Variants in GYPE observed in about 807,000 individuals in gnomAD.
The protein encoded by GYPE is glycophorin E (MNS blood group), also known as glycophorin-E.
GYPE carries 8 observed loss-of-function variants against 11.6 expected under a neutral mutation model. The ratio of observed to expected loss-of-function variants is 0.69; its 90% CI spans 0.41 to 1.25. GYPE has a LOEUF of 1.25. Among genes scored for constraint, GYPE ranks in the 50% most tolerant of loss-of-function variants. GYPE has a pLI of 0.01. For synonymous variants in GYPE, 28 were observed against 29.6 expected (o/e 0.94, Z 0.18); for missense variants, 90 against 92.8 (o/e 0.97, Z 0.12).
chr4:143,891,552 T>A (rs1744407001), intron 1 of GYPE, among the ~76,000 whole-genome samples: 1 of 151,832 alleles, frequency 6.6e-6, no homozygotes, highest in Non-Finnish European at 1.5e-5. Context: ...ACGATCTTGA[T>A]CTCCTGACCT....
At chr4:143,896,348 G>A (rs1388921751) in intron 1 of GYPE, among the ~76,000 whole-genome samples, 7 of 152,218 alleles carry the variant, frequency 4.6e-5, no homozygotes, top group African/African-American at 1.7e-4. Context: ...GTGGGCAAAG[G>A]ATATGAACAG....
intron 2 of GYPE, among the ~76,000 whole-genome samples, chr4:143,878,043 T>C (rs1185918531): frequency 2.0e-5 from 3 of 150,932 alleles, no homozygotes; most frequent in Non-Finnish European, 4.4e-5. Context: ...TACTCAGGGT[T>C]GGTTAGAAAG....
intron 2 of GYPE, chr4:143,878,594 G>C (rs1258289315): frequency 2.1e-6 from 1 of 465,232 alleles, no homozygotes. Flanking sequence ...CAATGGGATA[G>C]TTTAAAATGG....
intron 3 of GYPE, among the ~76,000 whole-genome samples, chr4:143,876,106 T>A (rs927511351): frequency 2.0e-5 from 3 of 152,086 alleles, no homozygotes; most frequent in African/African-American, 7.2e-5. Context: ...TTATTTTGTT[T>A]ATTTTTATTT....
At chr4:143,891,034 A>C (rs1744381527) in intron 1 of GYPE, among the ~76,000 whole-genome samples, 2 of 152,248 alleles carry the variant, frequency 1.3e-5, no homozygotes, top group Non-Finnish European at 2.9e-5. Context: ...TCTAAAACTT[A>C]AGTTTTTCAA....
intron 1 of GYPE, among the ~76,000 whole-genome samples, chr4:143,881,807 G>A (rs188224934): frequency 3.0e-4 from 46 of 152,224 alleles, no homozygotes; most frequent in Admixed American, 1.0e-3. Context: ...TCATCTCTTT[G>A]AGATATTCAA....
At chr4:143,901,931 C>T (rs56008514) in intron 1 of GYPE, among the ~76,000 whole-genome samples, 1,686 of 152,116 alleles carry the variant, frequency 0.011, 36 homozygotes, top group African/African-American at 0.029. Context: ...TCTCTAAAAA[C>T]CCTATTTCAC....
chr4:143,883,064 A>T (rs557938725), intron 1 of GYPE, among the ~76,000 whole-genome samples: 51 of 152,172 alleles, frequency 3.4e-4, no homozygotes, highest in African/African-American at 1.2e-3. Flanking sequence ...GCCTGGTGGG[A>T]GGTAATTGAA....
intron 1 of GYPE, among the ~76,000 whole-genome samples, chr4:143,896,708 G>A (rs548136616): frequency 6.6e-6 from 1 of 152,284 alleles, no homozygotes; most frequent in African/African-American, 2.4e-5. Flanking sequence ...ACATGCACAT[G>A]TATGTTTATT....
In GYPE at chr4:143,905,514, A is replaced by T. The variant is rs1226158447; in HGVS notation, c.-7T>A. On this transcript the variant is annotated 5_prime_UTR_variant, in exon 1 of 4. Transcript: ENST00000358615. ...AGATTATTTTTCCATACATCCTGAG[A>T]TCACGAGCTGGCTCCTGAAGTTAGT... is the stretch of plus-strand genomic sequence containing the variant. 6.2e-7 allele frequency: 1 copy of T among 1,613,162 alleles called. No individual in the cohort carries two copies. The highest frequency in any genetic ancestry group is 8.5e-7 in the Non-Finnish European group (1 of 1,179,362).
At chr4:143,901,856 C>A (rs1744879850) in intron 1 of GYPE, among the ~76,000 whole-genome samples, 1 of 151,928 alleles carries the variant, frequency 6.6e-6, no homozygotes, top group African/African-American at 2.4e-5. Context: ...GTTTGAGATA[C>A]CATCCCTACT....
intron 1 of GYPE, among the ~76,000 whole-genome samples, chr4:143,897,020 G>T (rs1041248935): frequency 1.3e-5 from 2 of 151,980 alleles, no homozygotes; most frequent in African/African-American, 4.8e-5. Flanking sequence ...GGTGGGGGCA[G>T]GGGGGAGGGA....
At chr4:143,884,195 T>A (rs533289280) in intron 1 of GYPE, among the ~76,000 whole-genome samples, 1 of 133,714 alleles carries the variant, frequency 7.5e-6, no homozygotes, top group Non-Finnish European at 1.6e-5. Context: ...ATCTCCTCCC[T>A]TTGTCTGAAA....
chr4:143,891,511 G>T (rs1444880530), intron 1 of GYPE, among the ~76,000 whole-genome samples: 1 of 151,460 alleles, frequency 6.6e-6, no homozygotes, highest in Non-Finnish European at 1.5e-5. Flanking sequence ...TGTATTTTTA[G>T]TAGAGATGGG....
At chr4:143,902,340 GA>G (rs201093353) in intron 1 of GYPE, among the ~76,000 whole-genome samples, 26,746 of 133,364 alleles carry the variant, frequency 0.2, 2,684 homozygotes, top group South Asian at 0.29. Context: ...TTGGATCCCT[GA>G]AAAAAAAAAA....
chr4:143,883,878 T>G (rs1744151194), intron 1 of GYPE, among the ~76,000 whole-genome samples: 1 of 151,984 alleles, frequency 6.6e-6, no homozygotes, highest in African/African-American at 2.4e-5. Context: ...AGTCTGTAAA[T>G]GCCATCTAGT....
rs1438116340 is a variant in GYPE at position 143,871,954 on chromosome 4, G to C, written c.*308C>G. ...CTTGCTGATCTTACCCAGGAGGACT[G>C]TCCCCTAGGCAAGGGGACACCAAAC... On this transcript the variant is annotated 3_prime_UTR_variant, in exon 4 of 4. Coordinates refer to ENST00000358615, the MANE Select transcript of GYPE (RefSeq NM_198682.3). 2 of 152,254 alleles carry C rather than the reference G, an allele frequency of 1.3e-5. No homozygotes were observed. The highest frequency in any genetic ancestry group is 1.9e-4 in the East Asian group (1 of 5,158). The allele number at this position is 152,254 out of a possible 1,614,324, so 9.4% of individuals were successfully genotyped here.
chr4:143,899,931 A>G (rs1326020624), intron 1 of GYPE, among the ~76,000 whole-genome samples: 3 of 18,492 alleles, frequency 1.6e-4, no homozygotes, highest in African/African-American at 2.0e-4. Flanking sequence ...AAGCGTAAGC[A>G]ACAAAAGAAA....
chr4:143,894,124 A>C (rs868406424), intron 1 of GYPE, among the ~76,000 whole-genome samples: 2 of 152,010 alleles, frequency 1.3e-5, no homozygotes, highest in Admixed American at 6.6e-5. Flanking sequence ...CTTCTGCATT[A>C]TTCACGTAGT....
Sources: allele counts gnomAD v4.1 joint callset (sites outside exome capture counted in the v4.1 genomes callset), GRCh38; gene constraint gnomAD v4.1.1; transcripts MANE v1.5; gene names NCBI Gene and HGNC (gene_info 2026-07-23, HGNC 2026-07-21).